DAPK1: variants seen among roughly 807,000 people sequenced by gnomAD.
DAPK1 encodes the protein death-associated protein kinase 1.
Under a neutral mutation model 144.9 loss-of-function variants are expected in DAPK1, and 56 were observed. The observed-to-expected ratio is 0.39, with a 90% CI of 0.31 to 0.48. The LOEUF is 0.48. Among genes scored for constraint, DAPK1 ranks in the 20% least tolerant of loss-of-function variants. DAPK1 has a pLI of 0.95. For missense variants in DAPK1, 1,454 were observed against 1,875.4 expected (o/e 0.78, Z 4.15); for synonymous variants, 690 against 749.0 (o/e 0.92, Z 1.29).
intron 23 of DAPK1, among the ~76,000 whole-genome samples, chr9:87,699,403 G>A (rs530447838): frequency 2.0e-5 from 3 of 152,252 alleles, no homozygotes; most frequent in Non-Finnish European, 4.4e-5. Context: ...TTAGGAAGTC[G>A]TGGCCAATTC....
intron 3 of DAPK1, among the ~76,000 whole-genome samples, chr9:87,619,774 G>C (rs2119034039): frequency 6.6e-6 from 1 of 152,330 alleles, no homozygotes; most frequent in South Asian, 2.1e-4. Flanking sequence ...TGTTATGCTA[G>C]AGGCCAATGA....
chr9:87,706,854 G>A lies in DAPK1; in HGVS notation c.3783G>A (p.Gln1261=), dbSNP rs768344449. 2.5e-6 allele frequency: 4 copies of A among 1,613,990 alleles called. No individual in the cohort carries two copies. The South Asian group carries it at 4.4e-5, about 18-fold the overall frequency. ...IYQPRDFFRA[Q]TLKETSLTNT... ...AGCCACGGGACTTCTTCCGGGCACA[G>A]ACTCTGAAGGAAACCTCACTGACCA... The change falls in exon 26 of 26, where the codon CAG becomes CAA. Residue 1261 remains glutamine, a synonymous_variant. Transcript: ENST00000408954. This position sits in a 1 kb window ranked among gnomAD's most constrained non-coding sequence, Gnocchi z 9.0.
At chr9:87,682,538 C>T (rs1182180363) in intron 20 of DAPK1, among the ~76,000 whole-genome samples, 2 of 152,146 alleles carry the variant, frequency 1.3e-5, no homozygotes, top group South Asian at 2.1e-4. Context: ...TGAGGGAGGA[C>T]GCTGGGGAGC....
intron 3 of DAPK1, among the ~76,000 whole-genome samples, chr9:87,620,769 A>C (rs574546323): frequency 9.2e-5 from 14 of 152,172 alleles, no homozygotes; most frequent in Non-Finnish European, 1.8e-4. Context: ...TAGCCCAGGC[A>C]GATTGATTTT....
chr9:87,595,159 C>T (rs1828269290), intron 2 of DAPK1, among the ~76,000 whole-genome samples: 1 of 152,172 alleles, frequency 6.6e-6, no homozygotes. Flanking sequence ...CAGAATGCTT[C>T]AAAACCAAAA....
Position 87,645,900 on chromosome 9 carries a change from G to A in DAPK1, c.1017G>A (p.Glu339=), listed in dbSNP as rs769162606. 4.3e-6 allele frequency: 7 copies of A among 1,613,986 alleles called. No individual in the cohort carries two copies. The highest frequency in any genetic ancestry group is 1.3e-5 in the African/African-American group (1 of 75,036). The change falls in exon 12 of 26, where the codon GAG becomes GAA. Residue 339 remains glutamate (E), a synonymous_variant. Coordinates refer to ENST00000408954, the MANE Select transcript of DAPK1 (RefSeq NM_004938.4). ...TCTTGGCTGTCTCTCTCAAGGATGAGGAAGACTCCTTTGTGATGAAAGCCA... is the reference window on the plus strand; with the variant it reads ...TCTTGGCTGTCTCTCTCAAGGATGAAGAAGACTCCTTTGTGATGAAAGCCA... ...SVARSDDTLD[E]EDSFVMKAII...
intron 2 of DAPK1, among the ~76,000 whole-genome samples, chr9:87,518,204 C>G (rs1403727477): frequency 6.6e-6 from 1 of 150,970 alleles, no homozygotes; most frequent in Non-Finnish European, 1.5e-5. Flanking sequence ...CTCCACCTCC[C>G]GGGTTCAAGC....
At chr9:87,517,734 A>T (rs934372953) in intron 2 of DAPK1, among the ~76,000 whole-genome samples, 4 of 152,160 alleles carry the variant, frequency 2.6e-5, no homozygotes, top group Non-Finnish European at 5.9e-5. Flanking sequence ...TAAAAGTGCA[A>T]AGTGGGTCCC....
At chr9:87,503,008 A>ATGATGC (rs1408692828) in intron 2 of DAPK1, among the ~76,000 whole-genome samples, 1 of 152,176 alleles carries the variant, frequency 6.6e-6, no homozygotes, top group African/African-American at 2.4e-5. Flanking sequence ...GATGCAAACG[A>ATGATGC]TGATGCTGAT....
At position 87,683,073 on chromosome 9, in the gene DAPK1, T is replaced by A. The variant is rs545814704; in HGVS notation, c.2224+1447T>A. Reference sequence around the variant, plus strand: ...ATTAATTTATTATTAAAGAAAAAAATTTATTTTATTTATTTTTTTTTTTTT... The same window carrying A: ...ATTAATTTATTATTAAAGAAAAAAAATTATTTTATTTATTTTTTTTTTTTT... On this transcript the variant is annotated intron_variant, in intron 20 of 25. Transcript: ENST00000408954. Among the ~76,000 whole-genome samples the A allele has an allele frequency of 4.1e-5, 5 of 121,002 alleles. 1 individual carries two copies. The highest frequency in any genetic ancestry group is 3.7e-4 in the Admixed American group (4 of 10,736). 79.4% of individuals were successfully genotyped at this position (121,002 alleles called of 152,430 possible).
intron 20 of DAPK1, among the ~76,000 whole-genome samples, chr9:87,681,987 C>T (rs1260049087): frequency 2.0e-5 from 3 of 152,166 alleles, no homozygotes; most frequent in African/African-American, 7.2e-5. Context: ...ACAAAAAGAG[C>T]TCAAACTCAA....
At chr9:87,554,428 AAAAAT>A (rs1477509290) in intron 2 of DAPK1, 10 of 143,498 alleles carry the variant, frequency 7.0e-5, no homozygotes, top group African/African-American at 2.8e-4. Context: ...AAGAAGCAGT[AAAAAT>A]AAAATGTAAT....
Position 87,499,159 on chromosome 9 carries a change from C to G in DAPK1, c.62+20C>G. On this transcript the variant is annotated intron_variant, in intron 2 of 25. Transcript: ENST00000408954. ...TGGCAGGTAAAGGGGGTACCAGAAGCGTACCCTCCTGGATTGTGGAAATGC... is the reference window on the plus strand; with the variant it reads ...TGGCAGGTAAAGGGGGTACCAGAAGGGTACCCTCCTGGATTGTGGAAATGC... 6.2e-7 allele frequency: 1 copy of G among 1,602,492 alleles called. No homozygotes were observed. The highest frequency in any genetic ancestry group is 8.6e-7 in the Non-Finnish European group (1 of 1,169,466).
chr9:87,689,896 G>T (rs1049434761), intron 21 of DAPK1, among the ~76,000 whole-genome samples: 1 of 152,082 alleles, frequency 6.6e-6, no homozygotes, highest in Admixed American at 6.5e-5. Flanking sequence ...ATGCTGTTTT[G>T]GTTACTATAG....
rs368350701 is a variant in DAPK1, at chr9:87,665,608, CTG to C, written c.1924-2986_1924-2985del. 6.9e-4 allele frequency among the ~76,000 whole-genome samples: 105 copies of C among 152,346 alleles called. 4 individuals are homozygous for C. In the South Asian group the frequency reaches 0.021, roughly 31 times the overall value. ...TTACACGTGTCACTAGAAGTCATGA[CTG>C]TGAGCATTTCCCCAGACGTCAATAA... On this transcript the variant is annotated intron_variant, in intron 18 of 25. Transcript: ENST00000408954.
intron 2 of DAPK1, among the ~76,000 whole-genome samples, chr9:87,571,511 ACAC>A (rs1827356489): frequency 6.8e-6 from 1 of 146,626 alleles, no homozygotes; most frequent in Non-Finnish European, 1.5e-5. Context: ...ACACACACAC[ACAC>A]ACACACACAC....
At chr9:87,620,271 G>A (rs912784208) in intron 3 of DAPK1, among the ~76,000 whole-genome samples, 4 of 152,198 alleles carry the variant, frequency 2.6e-5, no homozygotes, top group African/African-American at 7.2e-5. Context: ...GATAGAAAAC[G>A]TGTGACAGCC....
At chr9:87,605,202 G>C in intron 3 of DAPK1, 27 bp downstream of exon 3, 13 of 1,591,708 alleles carry the variant, frequency 8.2e-6, no homozygotes, top group Non-Finnish European at 9.5e-6. Context: ...CCAGGCTGGG[G>C]AGAGGGTGTG....
chr9:87,551,750 A>T (rs1826493165), intron 2 of DAPK1, among the ~76,000 whole-genome samples: 1 of 152,200 alleles, frequency 6.6e-6, no homozygotes, highest in Non-Finnish European at 1.5e-5. Context: ...AGGGAAGTGC[A>T]GGTCCTGATA....
Sources: gnomAD v4.1 joint callset for allele counts (sites outside exome capture counted in the v4.1 genomes callset) on GRCh38, gnomAD v4.1.1 for gene constraint, Gnocchi (gnomAD v3.1) non-coding constraint, MANE v1.5 for transcripts, NCBI Gene and HGNC (gene_info 2026-07-23, HGNC 2026-07-21) for gene names.